INPP4B: variants seen among roughly 807,000 people sequenced by gnomAD.
The protein encoded by INPP4B is inositol polyphosphate-4-phosphatase type II B, also known as inositol polyphosphate 4-phosphatase type II.
A neutral mutation model predicts 122.5 loss-of-function variants in INPP4B; 55 were observed. That is an observed-to-expected ratio of 0.45 (90% CI 0.36 to 0.56). The LOEUF is 0.56. Among genes scored for constraint, INPP4B ranks in the 20% least tolerant of loss-of-function variants. The pLI, the probability that INPP4B is intolerant of heterozygous loss-of-function variation, is 0.00. For synonymous variants in INPP4B, 403 were observed against 388.7 expected (o/e 1.04, Z -0.43); for missense variants, 1,000 against 1,097.7 (o/e 0.91, Z 1.26).
At chr4:142,107,591 C>CT in intron 23 of INPP4B, among the ~76,000 whole-genome samples, 1 of 152,142 alleles carries the variant, frequency 6.6e-6, no homozygotes, top group East Asian at 1.9e-4. Context: ...GGTGCCTTAA[C>CT]TTTTTTTGCA....
intron 23 of INPP4B, chr4:142,096,329 G>A (rs543607312): frequency 1.3e-5 from 2 of 152,298 alleles, no homozygotes; most frequent in African/African-American, 4.8e-5. Flanking sequence ...AATAAGGCTA[G>A]CTAAAAGATT....
rs147376624 is a variant in INPP4B at position 142,595,107 on chromosome 4, C to T, written c.-191+130732G>A. Among the ~76,000 whole-genome samples, 407 of 151,596 alleles carry T rather than the reference C, an allele frequency of 2.7e-3. 6 individuals carry two copies. The highest frequency in any genetic ancestry group is 0.018 in the East Asian group (95 of 5,150). On this transcript the variant is annotated intron_variant, in intron 2 of 25. Coordinates refer to ENST00000262992, the MANE Select transcript of INPP4B (RefSeq NM_001101669.3). The stretch of plus-strand genomic sequence containing the variant: ...TTATTTTGCATTTTTTTGTATTTTA[C>T]ATAAAATGCCTATTTACGTAAGTTT...
intron 12 of INPP4B, among the ~76,000 whole-genome samples, chr4:142,232,748 T>C (rs996483359): frequency 6.6e-6 from 1 of 152,078 alleles, no homozygotes; most frequent in Non-Finnish European, 1.5e-5. Context: ...ACAGCCAAGT[T>C]GTGAATGCAA....
chr4:142,158,080 T>C (rs1208374455), intron 17 of INPP4B, among the ~76,000 whole-genome samples: 1 of 152,094 alleles, frequency 6.6e-6, no homozygotes, highest in Non-Finnish European at 1.5e-5. Context: ...GCCTTTGGAA[T>C]ATAACATGCT....
chr4:142,386,973 C>T (rs528725519), intron 7 of INPP4B, among the ~76,000 whole-genome samples: 10 of 152,202 alleles, frequency 6.6e-5, no homozygotes, highest in Admixed American at 1.3e-4. Flanking sequence ...AGTTCTCTCT[C>T]GGATTTCAGA....
chr4:142,364,776 A>G (rs1048362198), intron 7 of INPP4B, among the ~76,000 whole-genome samples: 2 of 152,060 alleles, frequency 1.3e-5, no homozygotes, highest in Non-Finnish European at 2.9e-5. Flanking sequence ...GTCCCCCAAC[A>G]GAGCCCTCCA....
At position 142,227,392 on chromosome 4, in the gene INPP4B, A is replaced by T. The variant is rs184728735; in HGVS notation, c.836+10472T>A. Among the ~76,000 whole-genome samples the T allele has an allele frequency of 8.5e-5, 13 of 152,268 alleles. No individual in the cohort carries two copies. In the East Asian group the frequency reaches 2.3e-3, roughly 27 times the overall value. ...CACTGGATTTAATAATAAAGCTGTC[A>T]TTGCGCGATTTTTATCATATAGCCC... On this transcript the variant is annotated intron_variant, in intron 12 of 25. Coordinates refer to ENST00000262992, the MANE Select transcript of INPP4B (RefSeq NM_001101669.3).
chr4:142,388,282 A>G (rs6854312), intron 7 of INPP4B, among the ~76,000 whole-genome samples: 5,315 of 152,306 alleles, frequency 0.035, 340 homozygotes, highest in African/African-American at 0.12. Context: ...AAGGAGTGCT[A>G]TGGTTAAAAG....
intron 2 of INPP4B, among the ~76,000 whole-genome samples, chr4:142,714,412 C>G (rs948328443): frequency 3.3e-5 from 5 of 152,142 alleles, no homozygotes; most frequent in African/African-American, 1.2e-4. Context: ...GACAATGGAC[C>G]CTTGCTTGAA....
intron 2 of INPP4B, among the ~76,000 whole-genome samples, chr4:142,623,115 T>C (rs1260126573): frequency 6.6e-6 from 1 of 152,008 alleles, no homozygotes. Context: ...AAATCGCCTT[T>C]ACTTCTCCCT....
At chr4:142,289,367 T>C (rs1292830827) in intron 9 of INPP4B, among the ~76,000 whole-genome samples, 1 of 152,228 alleles carries the variant, frequency 6.6e-6, no homozygotes, top group Non-Finnish European at 1.5e-5. Context: ...TTCCAATCTT[T>C]CTTTTTTAAA....
chr4:142,402,877 A>G, intron 7 of INPP4B, 61 bp downstream of exon 7: 2 of 855,574 alleles, frequency 2.3e-6, no homozygotes. Context: ...TACACAAAAA[A>G]TCCAATCGTG....
intron 25 of INPP4B, among the ~76,000 whole-genome samples, chr4:142,056,563 T>G (rs972844784): frequency 2.0e-5 from 3 of 152,016 alleles, no homozygotes; most frequent in Non-Finnish European, 4.4e-5. Context: ...GATAGGAACA[T>G]GAAAAAAGTC....
intron 21 of INPP4B, among the ~76,000 whole-genome samples, chr4:142,119,800 C>T (rs336291): frequency 0.69 from 87,547 of 127,166 alleles, 26,946 homozygotes; most frequent in Non-Finnish European, 0.75. Context: ...TATATATACA[C>T]ACACACACAC....
intron 1 of INPP4B, among the ~76,000 whole-genome samples, chr4:142,806,843 GAAAGAA>G (rs1778919942): frequency 1.3e-5 from 2 of 149,646 alleles, no homozygotes. Context: ...AAGAAAGAAA[GAAAGAA>G]AGGAGAAGAA....
chr4:142,039,996 CT>C, intron 25 of INPP4B, among the ~76,000 whole-genome samples: 1 of 151,726 alleles, frequency 6.6e-6, no homozygotes, highest in East Asian at 1.9e-4. Flanking sequence ...TTAATTTATC[CT>C]TTATTCATGA....
intron 4 of INPP4B, among the ~76,000 whole-genome samples, chr4:142,429,924 G>C (rs1235119746): frequency 6.6e-6 from 1 of 152,058 alleles, no homozygotes; most frequent in Non-Finnish European, 1.5e-5. Context: ...CAGTGTAGCA[G>C]CTTCCTAAAC....
intron 2 of INPP4B, among the ~76,000 whole-genome samples, chr4:142,569,925 A>C (rs1732462086): frequency 6.6e-6 from 1 of 152,152 alleles, no homozygotes; most frequent in Non-Finnish European, 1.5e-5. Context: ...ATAGGTAATA[A>C]AATAAAATCA....
At chr4:142,393,485 C>A (rs2149024796) in intron 7 of INPP4B, among the ~76,000 whole-genome samples, 1 of 152,316 alleles carries the variant, frequency 6.6e-6, no homozygotes, top group Middle Eastern at 3.4e-3. Flanking sequence ...AACTCACTCA[C>A]TGGTCTACTG....
Sources: allele counts gnomAD v4.1 joint callset (sites outside exome capture counted in the v4.1 genomes callset), GRCh38; gene constraint gnomAD v4.1.1; transcripts MANE v1.5; gene names NCBI Gene and HGNC (gene_info 2026-07-23, HGNC 2026-07-21).